Variants in STK32B observed in about 807,000 individuals in gnomAD.
The protein encoded by STK32B is serine/threonine-protein kinase 32B.
Under a neutral mutation model 52.6 loss-of-function variants are expected in STK32B, and 43 were observed. That is an observed-to-expected ratio of 0.82 (90% CI 0.64 to 1.05). STK32B has a LOEUF of 1.05. Ranked by LOEUF, STK32B falls within the 50% of genes least tolerant of loss-of-function variation. The pLI is 0.00. For missense variants in STK32B, 621 were observed against 534.6 expected (o/e 1.16, Z -1.59); for synonymous variants, 238 against 204.3 (o/e 1.17, Z -1.41).
intron 3 of STK32B, among the ~76,000 whole-genome samples, chr4:5,169,396 G>GTTGA (rs1265336080): frequency 2.0e-5 from 3 of 152,222 alleles, no homozygotes; most frequent in Non-Finnish European, 4.4e-5. Context: ...CAGCGGATCA[G>GTTGA]TTGACCCACT....
At chr4:5,304,177 A>G (rs1489684394) in intron 3 of STK32B, among the ~76,000 whole-genome samples, 1 of 151,988 alleles carries the variant, frequency 6.6e-6, no homozygotes, top group Non-Finnish European at 1.5e-5. Flanking sequence ...TTTTGATTCC[A>G]TATGAATTTT....
intron 2 of STK32B, among the ~76,000 whole-genome samples, chr4:5,164,751 A>C (rs2108731061): frequency 6.6e-6 from 1 of 152,332 alleles, no homozygotes. Flanking sequence ...AAACAGCTGG[A>C]ATTTAAGCCC....
chr4:5,318,894 G>GAA (rs1731295744), intron 3 of STK32B, among the ~76,000 whole-genome samples: 12 of 151,892 alleles, frequency 7.9e-5, no homozygotes, highest in Non-Finnish European at 1.6e-4. Flanking sequence ...CTGCCCCCTG[G>GAA]GTTTATGCCA....
intron 3 of STK32B, among the ~76,000 whole-genome samples, chr4:5,235,650 GT>G (rs146442214): frequency 0.041 from 6,183 of 152,284 alleles, 204 homozygotes; most frequent in African/African-American, 0.092. Flanking sequence ...ACCATGACTT[GT>G]TAAAGTACTT....
rs1305516164 is a variant in STK32B at position 5,380,161 on chromosome 4, A to C, written c.435-18046A>C. On this transcript the variant is annotated intron_variant, in intron 4 of 11. Transcript: ENST00000282908. The surrounding 1 kb of genome is among the most constrained non-coding windows in gnomAD (Gnocchi z 4.3). ...TTCTGGTGAAGCCGCTCCTAACCAG[A>C]CCCATCCTGCAGCTGGCTGTAAGCT... is the stretch of plus-strand genomic sequence containing the variant. Among the ~76,000 whole-genome samples the C allele has an allele frequency of 6.6e-6, 1 of 152,046 alleles. No homozygotes were observed. Among genetic ancestry groups the C allele is most frequent in the East Asian group, 1.9e-4 (1 of 5,190 alleles).
chr4:5,121,001 ATT>A (rs1192530132), intron 1 of STK32B, among the ~76,000 whole-genome samples: 3 of 151,792 alleles, frequency 2.0e-5, no homozygotes, highest in Non-Finnish European at 4.4e-5. Flanking sequence ...TTTAGTGGTG[ATT>A]TCTGAGATTT....
chr4:5,139,997 ATGTGTGTATATT>A lies in STK32B; in HGVS notation c.108+45_108+56del. On this transcript the variant is annotated intron_variant, in intron 2 of 11. Transcript: ENST00000282908. ...AATGTCTGGACCACTGGGCTTAAGT[ATGTGTGTATATT>A]TGTGTGTCTGTGTGTTGGTTGCTGG... is the stretch of plus-strand genomic sequence containing the variant. 3 of 1,612,144 alleles carry A rather than the reference ATGTGTGTATATT, an allele frequency of 1.9e-6. No individual in the cohort carries two copies. In the South Asian group the frequency reaches 3.3e-5, roughly 18 times the overall value.
chr4:5,484,956 C>T (rs1424858669), intron 11 of STK32B, among the ~76,000 whole-genome samples: 1 of 152,202 alleles, frequency 6.6e-6, no homozygotes, highest in East Asian at 1.9e-4. Context: ...GCCTAGCGAT[C>T]AGCTGTTAGT....
chr4:5,339,418 T>A (rs1007813855), intron 4 of STK32B, among the ~76,000 whole-genome samples: 2 of 152,196 alleles, frequency 1.3e-5, no homozygotes, highest in African/African-American at 4.8e-5. Flanking sequence ...TTACCTCCTT[T>A]CTTATGGTTC....
intron 1 of STK32B, among the ~76,000 whole-genome samples, chr4:5,072,964 T>C (rs1485712349): frequency 6.6e-6 from 1 of 152,144 alleles, no homozygotes; most frequent in African/African-American, 2.4e-5. Context: ...AGTATTCTCT[T>C]TATCTCTGAA....
chr4:5,306,045 T>G (rs765618086), intron 3 of STK32B, among the ~76,000 whole-genome samples: 6 of 152,142 alleles, frequency 3.9e-5, no homozygotes, highest in Non-Finnish European at 8.8e-5. Flanking sequence ...GTTTCCAATT[T>G]TATTCCACTG....
chr4:5,303,025 G>T (rs1397011153), intron 3 of STK32B, among the ~76,000 whole-genome samples: 2 of 151,368 alleles, frequency 1.3e-5, no homozygotes, highest in East Asian at 1.9e-4. Flanking sequence ...TGTATATGTG[G>T]GTGTGTGTGT....
rs1461424203 is a variant in STK32B, at chr4:5,298,351, C to T, written c.261-32869C>T. ...TGCTGCTGTCTTCAGAGCTGACAGG[C>T]AGGAATGTTTAAGTCTGCTGAAGTT... On this transcript the variant is annotated intron_variant, in intron 3 of 11. Coordinates refer to ENST00000282908, the MANE Select transcript of STK32B (RefSeq NM_018401.3). Among the ~76,000 whole-genome samples, 4 of 152,298 alleles carry T rather than the reference C, an allele frequency of 2.6e-5. No individual in the cohort carries two copies. The East Asian group carries it at 7.7e-4, about 29-fold the overall frequency.
intron 3 of STK32B, among the ~76,000 whole-genome samples, chr4:5,185,976 C>T (rs1201869759): frequency 1.3e-5 from 2 of 152,216 alleles, no homozygotes; most frequent in Non-Finnish European, 2.9e-5. Flanking sequence ...CTCCAGGCCT[C>T]TGCTCAGGCT....
At chr4:5,095,252 G>C (rs1713319431) in intron 1 of STK32B, among the ~76,000 whole-genome samples, 1 of 152,208 alleles carries the variant, frequency 6.6e-6, no homozygotes, top group Non-Finnish European at 1.5e-5. Flanking sequence ...TGGTGGTTTA[G>C]ACTGTGATGT....
intron 3 of STK32B, among the ~76,000 whole-genome samples, chr4:5,315,756 G>A (rs377194693): frequency 8.0e-5 from 12 of 150,804 alleles, no homozygotes; most frequent in African/African-American, 2.9e-4. Flanking sequence ...CCAGGCTGGA[G>A]TGCAGTGGTG....
intron 1 of STK32B, among the ~76,000 whole-genome samples, chr4:5,100,669 T>C (rs1713705865): frequency 1.9e-5 from 1 of 53,800 alleles, no homozygotes. Context: ...TCATTCTTTC[T>C]TTCTTTCCTT....
chr4:5,483,678 T>C (rs964948823), intron 11 of STK32B, among the ~76,000 whole-genome samples: 2 of 152,280 alleles, frequency 1.3e-5, no homozygotes, highest in Middle Eastern at 6.8e-3. Flanking sequence ...AATTGTGATG[T>C]TAGGGTATCA....
intron 3 of STK32B, among the ~76,000 whole-genome samples, chr4:5,313,441 T>C (rs999632355): frequency 4.0e-5 from 6 of 150,816 alleles, no homozygotes; most frequent in African/African-American, 1.5e-4. Flanking sequence ...CTCCCTAAGA[T>C]TGGGCACAAG....
Sources: allele counts gnomAD v4.1 joint callset (sites outside exome capture counted in the v4.1 genomes callset), GRCh38; gene constraint gnomAD v4.1.1; non-coding constraint Gnocchi (gnomAD v3.1); transcripts MANE v1.5; gene names NCBI Gene and HGNC (gene_info 2026-07-23, HGNC 2026-07-21).